ADAMTS7: variants seen among roughly 807,000 people sequenced by gnomAD.
ADAMTS7 encodes A disintegrin and metalloproteinase with thrombospondin motifs 7.
In ADAMTS7, 89 loss-of-function variants were observed where a neutral mutation model predicts 172.6. The ratio of observed to expected loss-of-function variants is 0.52; its 90% CI spans 0.43 to 0.61. The LOEUF (loss-of-function observed/expected upper bound fraction) is 0.61, where lower values mean the gene tolerates loss of function less well. ADAMTS7 is among the 20% of genes least tolerant of loss of function. ADAMTS7 has a pLI of 0.00. For missense variants in ADAMTS7, 1,973 were observed against 2,355.6 expected (o/e 0.84, Z 3.36); for synonymous variants, 885 against 978.4 (o/e 0.90, Z 1.78).
intron 3 of ADAMTS7, among the ~76,000 whole-genome samples, chr15:78,797,608 CG>C (rs1436727107): frequency 2.6e-5 from 4 of 152,182 alleles, no homozygotes; most frequent in African/African-American, 9.6e-5. Context: ...ACAGCTCACC[CG>C]GCCTGGGCAC....
chr15:78,800,726 A>G (rs1010360880), intron 1 of ADAMTS7, among the ~76,000 whole-genome samples, 179 bp from the exon 2 acceptor site: 1 of 152,158 alleles, frequency 6.6e-6, no homozygotes, highest in Non-Finnish European at 1.5e-5. Context: ...CAGTTTCTCC[A>G]TCTGGATCGT....
intron 16 of ADAMTS7, among the ~76,000 whole-genome samples, chr15:78,769,723 T>C (rs1368600165): frequency 6.6e-6 from 1 of 152,250 alleles, no homozygotes; most frequent in Non-Finnish European, 1.5e-5. Flanking sequence ...AGAACCCCTG[T>C]CTGTTCCAGC....
chr15:78,771,768 G>A lies in ADAMTS7; in HGVS notation c.2193C>T (p.Ala731=), dbSNP rs765182422. 7.4e-6 allele frequency: 12 copies of A among 1,612,438 alleles called. No homozygotes were observed. Among genetic ancestry groups the A allele is most frequent in the South Asian group, 6.6e-5 (6 of 91,058 alleles). The change falls in exon 15 of 24, where the codon GCC becomes GCT. Residue 731 remains alanine, a synonymous_variant. Coordinates refer to ENST00000388820, the MANE Select transcript of ADAMTS7 (RefSeq NM_014272.5). The surrounding 1 kb of genome is among the most constrained non-coding windows in gnomAD (Gnocchi z 4.9). Reference sequence around the variant, plus strand: ...GCAGTGCCAGGAAGTTGGCAGCCTCGGCAACCTCTTGGATGCGGATCTCGC... The same window carrying A: ...GCAGTGCCAGGAAGTTGGCAGCCTCAGCAACCTCTTGGATGCGGATCTCGC... ...GAREIRIQEV[A]EAANFLALRS...
chr15:78,800,252 G>A lies in ADAMTS7; in HGVS notation c.396C>T (p.Gly132=). The change falls in exon 2 of 24, where the codon GGC becomes GGT. Residue 132 remains glycine (G), a synonymous_variant. Transcript: ENST00000388820. Reference sequence around the variant, plus strand: ...CCTCGAGCTCAGGGTCCTGCACCTCGCCAAGCAGGTGGCAGGCCGGGGTGT... The same window carrying A: ...CCTCGAGCTCAGGGTCCTGCACCTCACCAAGCAGGTGGCAGGCCGGGGTGT... The part of the protein sequence containing the change: ...RAHTPACHLL[G]EVQDPELEGG... 6.3e-7 allele frequency: 1 copy of A among 1,595,158 alleles called. No homozygotes were observed. Among genetic ancestry groups the A allele is most frequent in the Non-Finnish European group, 8.5e-7 (1 of 1,178,482 alleles).
At position 78,759,563 on chromosome 15, in the gene ADAMTS7, CG is replaced by C; in HGVS notation, c.4918del (p.Arg1640AlafsTer75). 6.3e-7 allele frequency: 1 copy of C among 1,587,494 alleles called. No homozygotes were observed. The highest frequency in any genetic ancestry group is 8.5e-7 in the Non-Finnish European group (1 of 1,172,702). On this transcript the variant is annotated frameshift_variant, in exon 24 of 24. Coordinates refer to ENST00000388820, the MANE Select transcript of ADAMTS7 (RefSeq NM_014272.5). LOFTEE classifies it low-confidence loss of function (END_TRUNC). ...PVEPPRCERD[R>X]LSFGFCETLR... is the part of the protein sequence containing the mutation. The stretch of plus-strand genomic sequence containing the variant: ...CGTCTCGCAGAACCCGAAGGACAGG[CG>C]GTCCCGCTCACAGCCTGGAGTGGGG...
chr15:78,811,175 G>C lies in ADAMTS7; in HGVS notation c.46C>G (p.Pro16Ala). 1 of 1,230,008 alleles carries C rather than the reference G, an allele frequency of 8.1e-7. No homozygotes were observed. Among genetic ancestry groups the C allele is most frequent in the Non-Finnish European group, 1.0e-6 (1 of 986,752 alleles). The allele number at this position is 1,230,008 out of a possible 1,614,324, so 76.2% of individuals were successfully genotyped here. A position where few individuals can be genotyped will look rare whatever the true frequency, so the allele number is the denominator to read the frequency against. ...AGAGCGCAGAGGAGCAGGAGGAGGGGGCGCAGCAAAGGCGCGGGGCTGCGG... is the reference window on the plus strand; with the variant it reads ...AGAGCGCAGAGGAGCAGGAGGAGGGCGCGCAGCAAAGGCGCGGGGCTGCGG... ...SPRSPAPLLR[P>A]LLLLLCALAP... The change falls in exon 1 of 24, where the codon CCC becomes GCC. Residue 16 changes from proline (P) to alanine (A), a missense_variant. By Grantham distance (27) the Pro-to-Ala change is conservative (BLOSUM62 -1). This residue lies in a region of ADAMTS7 where 306 missense variants were observed against 288.0 expected (regional missense o/e 1.06). Coordinates refer to ENST00000388820, the MANE Select transcript of ADAMTS7 (RefSeq NM_014272.5).
intron 1 of ADAMTS7, among the ~76,000 whole-genome samples, chr15:78,806,256 G>A (rs970020933): frequency 1.3e-5 from 2 of 151,284 alleles, no homozygotes; most frequent in Non-Finnish European, 2.9e-5. Flanking sequence ...GCATTGGAAT[G>A]AAGAAAAGTT....
At chr15:78,789,650 G>A (rs752612442) in intron 7 of ADAMTS7, 39 bp downstream of exon 7, 2 of 1,609,768 alleles carry the variant, frequency 1.2e-6, no homozygotes, top group South Asian at 2.2e-5. Flanking sequence ...CGAGGGTGAA[G>A]CTCGGCTCTC....
At chr15:78,799,091 G>A (rs891529124) in intron 2 of ADAMTS7, among the ~76,000 whole-genome samples, 71 of 150,956 alleles carry the variant, frequency 4.7e-4, no homozygotes, top group African/African-American at 1.6e-3. Flanking sequence ...TACATTAAGG[G>A]ACAGGCACAG....
chr15:78,764,963 G>A (rs2055116162), intron 19 of ADAMTS7: 1 of 406,020 alleles, frequency 2.5e-6, no homozygotes, highest in Admixed American at 4.0e-5. Flanking sequence ...TGTCATTGGT[G>A]CAGAGGTGGG....
chr15:78,776,471 A>G, intron 10 of ADAMTS7, 138 bp from the exon 11 acceptor site: 1 of 1,265,532 alleles, frequency 7.9e-7, no homozygotes, highest in Non-Finnish European at 1.1e-6. Flanking sequence ...CACCCTCACA[A>G]TCATCACAAT....
At chr15:78,789,632 C>T in intron 7 of ADAMTS7, 57 bp downstream of exon 7, 1 of 1,600,080 alleles carries the variant, frequency 6.2e-7, no homozygotes, top group Non-Finnish European at 8.5e-7. Flanking sequence ...CCCGGTGCCC[C>T]CAGGCTGCGA....
At chr15:78,776,675 G>T in intron 10 of ADAMTS7, 74 bp downstream of exon 10, 1 of 1,411,132 alleles carries the variant, frequency 7.1e-7, no homozygotes, top group South Asian at 1.3e-5. Flanking sequence ...AGCCGGGGCT[G>T]ACCCCAGGGC....
At chr15:78,794,269 G>T (rs1018273407) in intron 4 of ADAMTS7, among the ~76,000 whole-genome samples, 1 of 152,154 alleles carries the variant, frequency 6.6e-6, no homozygotes, top group African/African-American at 2.4e-5. Flanking sequence ...TAAAATGGGG[G>T]TGAGGCTTAG....
intron 16 of ADAMTS7, 78 bp from the exon 17 acceptor site, chr15:78,768,337 G>A: frequency 6.3e-7 from 1 of 1,591,614 alleles, no homozygotes; most frequent in Admixed American, 1.7e-5. Flanking sequence ...CTCTCTGCCA[G>A]AACCCTCCCA....
chr15:78,793,130 T>C (rs1257658380), intron 4 of ADAMTS7, among the ~76,000 whole-genome samples: 1 of 152,172 alleles, frequency 6.6e-6, no homozygotes, highest in Admixed American at 6.5e-5. Context: ...CATTTAATCT[T>C]CTTACTTCTA....
rs1342073938 is a variant in ADAMTS7, at chr15:78,767,610, G to C, written c.2646-18C>G. 1.3e-6 allele frequency: 2 copies of C among 1,524,604 alleles called. No individual in the cohort carries two copies. The highest frequency in any genetic ancestry group is 1.8e-6 in the Non-Finnish European group (2 of 1,132,816). The allele number at this position is 1,524,604 out of a possible 1,614,324, so 94.4% of individuals were successfully genotyped here. ...CCCACCACCTGGCGAGGGCACACAGGTGGCATCAGTGTGGCATCAGACAGG... is the reference window on the plus strand; with the variant it reads ...CCCACCACCTGGCGAGGGCACACAGCTGGCATCAGTGTGGCATCAGACAGG... On this transcript the variant is annotated intron_variant, in intron 17 of 23. Coordinates refer to ENST00000388820, the MANE Select transcript of ADAMTS7 (RefSeq NM_014272.5).
intron 7 of ADAMTS7, 73 bp downstream of exon 7, chr15:78,789,616 T>G: frequency 6.3e-7 from 1 of 1,575,614 alleles, no homozygotes; most frequent in Non-Finnish European, 8.7e-7. Flanking sequence ...ACCCACAGGC[T>G]GGATACCCGG....
At chr15:78,773,649 C>T (rs1014227669) in intron 13 of ADAMTS7, among the ~76,000 whole-genome samples, 5 of 151,944 alleles carry the variant, frequency 3.3e-5, no homozygotes, top group African/African-American at 9.7e-5. Flanking sequence ...ACAAGTAGGT[C>T]GCTGGGGACA....
Sources: gnomAD v4.1 joint callset for allele counts (sites outside exome capture counted in the v4.1 genomes callset) on GRCh38, gnomAD v4.1.1 for gene constraint, gnomAD v4.1.1 regional missense constraint, Gnocchi (gnomAD v3.1) non-coding constraint, MANE v1.5 for transcripts, NCBI Gene and HGNC (gene_info 2026-07-23, HGNC 2026-07-21) for gene names.